The following ANK3 variants were observed in gnomAD, a reference collection of about 807,000 sequenced individuals.
The protein encoded by ANK3 is ankyrin 3.
A neutral mutation model predicts 370.9 loss-of-function variants in ANK3; 57 were observed. The observed-to-expected ratio is 0.15, with a 90% confidence interval of 0.12 to 0.19. The LOEUF (loss-of-function observed/expected upper bound fraction) is 0.19. Among genes scored for constraint, ANK3 ranks in the 10% least tolerant of loss-of-function variants. The pLI, the probability that ANK3 is intolerant of heterozygous loss-of-function variation, is 1.00. For missense variants in ANK3, 4,439 were observed against 5,302.1 expected, an observed-to-expected ratio of 0.84 and a Z score of 5.06; for synonymous variants, 1,929 against 1,946.3, an observed-to-expected ratio of 0.99 and a Z score of 0.23.
At chr10:60,556,664 T>C (rs1332137287) in intron 2 of ANK3, among the ~76,000 whole-genome samples, 1 of 152,200 alleles carries the variant, frequency 6.6e-6, no homozygotes, top group African/African-American at 2.4e-5. Flanking sequence ...AAGAGTAATA[T>C]GTAATGTGAC....
intron 1 of ANK3, among the ~76,000 whole-genome samples, chr10:60,659,741 G>A (rs2078911786): frequency 6.6e-6 from 1 of 151,946 alleles, no homozygotes; most frequent in Admixed American, 6.6e-5. Context: ...TATAAAATCT[G>A]TGGGGAAAAA....
chr10:60,554,583 T>A (rs1024178950), intron 2 of ANK3, among the ~76,000 whole-genome samples: 1 of 152,170 alleles, frequency 6.6e-6, no homozygotes, highest in Non-Finnish European at 1.5e-5. Context: ...CTAAAGTAGA[T>A]GATGAGCCAA....
intron 1 of ANK3, among the ~76,000 whole-genome samples, chr10:60,638,724 T>A (rs553847079): frequency 1.3e-5 from 2 of 152,172 alleles, no homozygotes; most frequent in Non-Finnish European, 2.9e-5. Flanking sequence ...ACTGAAAATA[T>A]GCTCAATAAC....
Position 60,652,638 on chromosome 10 carries a change from C to T in ANK3, c.58-37414G>A, listed in dbSNP as rs74677350. Among the ~76,000 whole-genome samples, 304 of 150,462 alleles carry T rather than the reference C, an allele frequency of 2.0e-3. 1 individual carries two copies. Among genetic ancestry groups the T allele is most frequent in the African/African-American group, 7.0e-3 (286 of 40,856 alleles). On this transcript the variant is annotated intron_variant, in intron 1 of 43. Coordinates refer to the ANK3 transcript ENST00000373827. Reference sequence around the variant, plus strand: ...AGGTTTTTATTGAGGAGGGAAGACACCAGCTTGTTTACCATATTATTGTTT... The same window carrying T: ...AGGTTTTTATTGAGGAGGGAAGACATCAGCTTGTTTACCATATTATTGTTT...
chr10:60,070,743 T>C lies in ANK3; in HGVS notation c.10138A>G (p.Asn3380Asp). Residue 3380 changes from asparagine (N) to aspartate (D), a missense_variant, in exon 37 of 44, where the codon AAT (asparagine) becomes GAT (aspartate). Asn to Asp is a conservative substitution (Grantham distance 23). Transcript: ENST00000280772. The surrounding 1 kb of genome is among the most constrained non-coding windows in gnomAD (Gnocchi z 5.7). ...TTGTTCCCATTCTGGGCAATTTCAT[T>C]CTGAGGTGAATCAAGGCCAAGGCCA... ...EFGLGLDSPQ[N>D]EIAQNGNNDQ... 1.2e-6 allele frequency: 2 copies of C among 1,614,172 alleles called. No homozygotes were observed. Among genetic ancestry groups the C allele is most frequent in the Non-Finnish European group, 1.7e-6 (2 of 1,180,018 alleles).
chr10:60,193,822 T>C (rs573344485), intron 16 of ANK3, among the ~76,000 whole-genome samples: 8 of 152,242 alleles, frequency 5.3e-5, no homozygotes, highest in African/African-American at 1.4e-4. Context: ...GGGTTATTTA[T>C]ACATAAGAAA....
intron 2 of ANK3, among the ~76,000 whole-genome samples, chr10:60,550,666 A>G (rs556599172): frequency 6.6e-6 from 1 of 152,094 alleles, no homozygotes; most frequent in Non-Finnish European, 1.5e-5. Flanking sequence ...AAAATAAATG[A>G]TATTTAACTT....
At chr10:60,280,583 T>C (rs982093366) in intron 1 of ANK3, among the ~76,000 whole-genome samples, 1 of 152,206 alleles carries the variant, frequency 6.6e-6, no homozygotes, top group African/African-American at 2.4e-5. Flanking sequence ...TATTGAAATC[T>C]CTGATAGAAA....
At position 60,696,693 on chromosome 10, in the gene ANK3, A is replaced by C. The variant is rs1017843303; in HGVS notation, c.57+36570T>G. Reference sequence around the variant, plus strand: ...TAGATGCAGAAAAGGCCTTTGACAAAATTCAACAGCCCTTCATGCTAAAAA... The same window carrying C: ...TAGATGCAGAAAAGGCCTTTGACAACATTCAACAGCCCTTCATGCTAAAAA... On this transcript the variant is annotated intron_variant, in intron 1 of 43. Coordinates refer to the ANK3 transcript ENST00000373827. Among the ~76,000 whole-genome samples the C allele has an allele frequency of 7.4e-3, 1,104 of 149,382 alleles. 47 individuals carry two copies. The highest frequency in any genetic ancestry group is 0.026 in the African/African-American group (1,045 of 39,784).
intron 10 of ANK3, 68 bp from the exon 11 acceptor site, chr10:60,205,958 T>A (rs979256544): frequency 5.9e-6 from 6 of 1,019,736 alleles, no homozygotes; most frequent in Admixed American, 3.7e-5. Flanking sequence ...CTGTGTGCAG[T>A]AAATAGTTTT....
At chr10:60,412,612 A>T (rs1465535246) in intron 2 of ANK3, among the ~76,000 whole-genome samples, 1 of 152,104 alleles carries the variant, frequency 6.6e-6, no homozygotes. Context: ...ACCCTAACTA[A>T]TATGCTGTGT....
chr10:60,101,064 C>T (rs1252586620), intron 28 of ANK3, among the ~76,000 whole-genome samples: 2 of 152,112 alleles, frequency 1.3e-5, no homozygotes, highest in African/African-American at 4.8e-5. Context: ...ATTATAGGTA[C>T]ATTTTATTTA....
chr10:60,055,962 T>C lies in ANK3; in HGVS notation c.12761A>G (p.His4254Arg), dbSNP rs1200435442. 21 of 1,614,088 alleles carry C rather than the reference T, an allele frequency of 1.3e-5. No homozygotes were observed. The Middle Eastern group carries it at 2.3e-3, about 178-fold the overall frequency. The stretch of plus-strand genomic sequence containing the variant: ...CTTTGCTTCTGGAGTGATTTCTGTA[T>C]GGCTTCCATTTGCTTCAAATTTGCC... ...EAGKFEANGS[H>R]TEITPEAKTK... is the part of the protein sequence containing the mutation. The change falls in exon 42 of 44, where the codon CAT becomes CGT. Residue 4254 changes from histidine (H) to arginine (R), a missense_variant. Physicochemically the swap from His to Arg is conservative, Grantham distance 29 (BLOSUM62 0). Transcript: ENST00000280772.
intron 2 of ANK3, among the ~76,000 whole-genome samples, chr10:60,598,291 A>G (rs569841669): frequency 1.3e-5 from 2 of 152,324 alleles, no homozygotes; most frequent in South Asian, 4.2e-4. Flanking sequence ...ATATCCATAT[A>G]CTTACGCAGT....
At chr10:60,428,605 A>G (rs1316601597) in intron 2 of ANK3, among the ~76,000 whole-genome samples, 1 of 152,208 alleles carries the variant, frequency 6.6e-6, no homozygotes, top group African/African-American at 2.4e-5. Flanking sequence ...TTCAAGCAAC[A>G]TTTGTTTTTA....
At chr10:60,431,106 A>T (rs142844826) in intron 2 of ANK3, among the ~76,000 whole-genome samples, 1 of 152,196 alleles carries the variant, frequency 6.6e-6, no homozygotes, top group African/African-American at 2.4e-5. Context: ...TTATTAATAC[A>T]TTGTAATATA....
intron 1 of ANK3, among the ~76,000 whole-genome samples, chr10:60,301,413 A>T (rs1172245978): frequency 1.5e-4 from 19 of 123,792 alleles, no homozygotes; most frequent in African/African-American, 3.6e-4. Context: ...CACAATATAC[A>T]TTTTTTTTTT....
intron 2 of ANK3, among the ~76,000 whole-genome samples, chr10:60,562,460 C>G (rs2077360111): frequency 6.6e-6 from 1 of 152,126 alleles, no homozygotes; most frequent in Non-Finnish European, 1.5e-5. Context: ...GCCTCCCAGG[C>G]TGGAGTGCAG....
intron 2 of ANK3, among the ~76,000 whole-genome samples, chr10:60,473,614 C>T (rs1291616681): frequency 6.6e-6 from 1 of 152,058 alleles, no homozygotes; most frequent in Non-Finnish European, 1.5e-5. Context: ...CATTTAGGAG[C>T]ACTAGGTAAT....
Sources: gnomAD v4.1 joint callset for allele counts (sites outside exome capture counted in the v4.1 genomes callset) on GRCh38, gnomAD v4.1.1 for gene constraint, Gnocchi (gnomAD v3.1) non-coding constraint, MANE v1.5 for transcripts, NCBI Gene and HGNC (gene_info 2026-07-23, HGNC 2026-07-21) for gene names.